The following CAMK1D variants were observed in gnomAD, a reference collection of about 807,000 sequenced individuals.
CAMK1D encodes calcium/calmodulin-dependent protein kinase type 1D.
CAMK1D carries 9 observed loss-of-function variants against 47.7 expected under a neutral mutation model. The ratio of observed to expected loss-of-function variants is 0.19; its 90% CI spans 0.11 to 0.33. The LOEUF is 0.33. CAMK1D is among the 10% of genes least tolerant of loss of function. The pLI, the probability that CAMK1D is intolerant of heterozygous loss-of-function variation, is 1.00. For missense variants in CAMK1D, 291 were observed against 488.7 expected, an observed-to-expected ratio of 0.60 and a Z score of 3.81; for synonymous variants, 184 against 184.9, an observed-to-expected ratio of 0.99 and a Z score of 0.04.
At chr10:12,545,160 G>A (rs574242352) in intron 1 of CAMK1D, among the ~76,000 whole-genome samples, 20 of 152,294 alleles carry the variant, frequency 1.3e-4, no homozygotes, top group South Asian at 4.1e-4. Flanking sequence ...GGTAATGTAC[G>A]TTTAAGCCAC....
At chr10:12,750,928 G>A (rs1365230591) in intron 3 of CAMK1D, among the ~76,000 whole-genome samples, 1 of 152,172 alleles carries the variant, frequency 6.6e-6, no homozygotes, top group African/African-American at 2.4e-5. Flanking sequence ...TCACACGCCT[G>A]TAATTCCAGC....
intron 3 of CAMK1D, among the ~76,000 whole-genome samples, chr10:12,697,472 C>A (rs1833342856): frequency 6.6e-6 from 1 of 152,172 alleles, no homozygotes; most frequent in Non-Finnish European, 1.5e-5. Flanking sequence ...AATCTCAGCT[C>A]ACTGCAACCT....
intron 2 of CAMK1D, among the ~76,000 whole-genome samples, chr10:12,620,890 A>G (rs949096873): frequency 7.2e-5 from 11 of 152,244 alleles, no homozygotes; most frequent in African/African-American, 2.2e-4. Flanking sequence ...TGTAAGTTTT[A>G]TACTTCAACT....
intron 1 of CAMK1D, among the ~76,000 whole-genome samples, chr10:12,427,839 C>T (rs968846964): frequency 4.7e-5 from 7 of 150,106 alleles, no homozygotes; most frequent in African/African-American, 9.8e-5. Context: ...TCCTGAGTAG[C>T]GGGGATTACA....
chr10:12,816,914 G>T (rs1277168526), intron 8 of CAMK1D, among the ~76,000 whole-genome samples: 3 of 151,042 alleles, frequency 2.0e-5, no homozygotes, highest in Non-Finnish European at 4.4e-5. Context: ...CCGAGACTGG[G>T]CAATTTACAA....
At chr10:12,814,634 C>T (rs55822448) in intron 7 of CAMK1D, among the ~76,000 whole-genome samples, 4,103 of 152,220 alleles carry the variant, frequency 0.027, 81 homozygotes, top group Non-Finnish European at 0.044. Flanking sequence ...GTCAAGAGAG[C>T]TCTCTCAAGT....
intron 2 of CAMK1D, among the ~76,000 whole-genome samples, chr10:12,627,360 C>T (rs879669404): frequency 9.2e-5 from 14 of 152,084 alleles, no homozygotes; most frequent in Non-Finnish European, 1.8e-4. Context: ...GCTGGGATTA[C>T]AGGCGTGAGC....
At chr10:12,387,197 C>T (rs1838522211) in intron 1 of CAMK1D, among the ~76,000 whole-genome samples, 1 of 145,592 alleles carries the variant, frequency 6.9e-6, no homozygotes. Flanking sequence ...AAGAGAGACT[C>T]CATCTCAAAA....
chr10:12,735,611 A>C (rs970205422), intron 3 of CAMK1D, among the ~76,000 whole-genome samples: 5 of 152,192 alleles, frequency 3.3e-5, no homozygotes, highest in Non-Finnish European at 1.5e-5. Context: ...CTGGCTCTCC[A>C]AAAGGAGCTG....
At chr10:12,367,989 G>C (rs1379423024) in intron 1 of CAMK1D, among the ~76,000 whole-genome samples, 1 of 151,994 alleles carries the variant, frequency 6.6e-6, no homozygotes, top group Non-Finnish European at 1.5e-5. Flanking sequence ...TCAGGAGATC[G>C]AGACCATCCT....
chr10:12,694,589 A>G (rs1450949225), intron 3 of CAMK1D, among the ~76,000 whole-genome samples: 1 of 94,238 alleles, frequency 1.1e-5, no homozygotes, highest in Non-Finnish European at 2.1e-5. Flanking sequence ...TATATCATAT[A>G]TAAATATATA....
At chr10:12,813,419 G>C (rs773293295) in intron 6 of CAMK1D, among the ~76,000 whole-genome samples, 1 of 152,184 alleles carries the variant, frequency 6.6e-6, no homozygotes, top group Non-Finnish European at 1.5e-5. Flanking sequence ...GAACCTGGAA[G>C]GGCCCTGAAA....
rs189864759 is a variant in CAMK1D at position 12,472,194 on chromosome 10, G to A, written c.93-81031G>A. Among the ~76,000 whole-genome samples, 42 of 152,256 alleles carry A rather than the reference G, an allele frequency of 2.8e-4. 1 individual carries two copies. The East Asian group carries it at 3.5e-3, about 13-fold the overall frequency. On this transcript the variant is annotated intron_variant, in intron 1 of 10. Transcript: ENST00000619168. ...TCTCTTTACTAAGGTGTGGGGACACGCTGAGACACAGCGATGCTCTGCCTT... is the reference window on the plus strand; with the variant it reads ...TCTCTTTACTAAGGTGTGGGGACACACTGAGACACAGCGATGCTCTGCCTT...
intron 3 of CAMK1D, among the ~76,000 whole-genome samples, chr10:12,682,136 C>T (rs1317319513): frequency 3.9e-5 from 6 of 152,182 alleles, no homozygotes; most frequent in African/African-American, 1.4e-4. Flanking sequence ...AGGAGAATGG[C>T]GTGAACCCGG....
At chr10:12,586,016 C>G (rs1837806231) in intron 2 of CAMK1D, among the ~76,000 whole-genome samples, 1 of 152,078 alleles carries the variant, frequency 6.6e-6, no homozygotes, top group African/African-American at 2.4e-5. Context: ...CCTTTTGGAA[C>G]AAGAGTGAAA....
intron 3 of CAMK1D, among the ~76,000 whole-genome samples, chr10:12,701,857 G>A (rs1588821654): frequency 6.6e-6 from 1 of 152,328 alleles, no homozygotes; most frequent in Middle Eastern, 3.4e-3. Context: ...GGGGGCCAGG[G>A]GTTCTTCCCC....
At chr10:12,397,834 T>C (rs1223827694) in intron 1 of CAMK1D, among the ~76,000 whole-genome samples, 1 of 152,204 alleles carries the variant, frequency 6.6e-6, no homozygotes, top group East Asian at 1.9e-4. Flanking sequence ...GCAGGTAAAC[T>C]GTACATTGAA....
chr10:12,548,447 CTTTTTTTT>C (rs35061502), intron 1 of CAMK1D, among the ~76,000 whole-genome samples: 1 of 81,194 alleles, frequency 1.2e-5, no homozygotes, highest in Admixed American at 1.5e-4. Context: ...CCATTTTAAG[CTTTTTTTT>C]TTTTTTTTTT....
rs1833124490 is a variant in CAMK1D, at chr10:12,694,241, T to TAATATATTATACATAATATAA, written c.299+27438_299+27439insTATACATAATATAAAATATAT. 1.2e-4 allele frequency among the ~76,000 whole-genome samples: 2 copies of TAATATATTATACATAATATAA among 17,208 alleles called. 1 individual carries two copies. Among genetic ancestry groups the TAATATATTATACATAATATAA allele is most frequent in the Non-Finnish European group, 1.8e-4 (2 of 10,882 alleles). The allele number at this position is 17,208 out of a possible 152,430, so 11.3% of individuals were successfully genotyped here. ...TAAAATATATATTATGTATAATATA[T>TAATATATTATACATAATATAA]AATATATATTATGTATAATATATAA... On this transcript the variant is annotated intron_variant, in intron 3 of 10. Transcript: ENST00000619168.
Sources: allele counts gnomAD v4.1 joint callset (sites outside exome capture counted in the v4.1 genomes callset), GRCh38; gene constraint gnomAD v4.1.1; transcripts MANE v1.5; gene names NCBI Gene and HGNC (gene_info 2026-07-23, HGNC 2026-07-21).